Variants in HTRA1 observed in about 807,000 individuals in gnomAD.
The protein encoded by HTRA1 is HtrA serine peptidase 1, also known as serine protease HTRA1.
HTRA1 carries 26 observed loss-of-function variants against 49.7 expected under a neutral mutation model. The observed-to-expected ratio is 0.52, with a 90% CI of 0.38 to 0.73. The LOEUF is 0.73. Ranked by LOEUF, HTRA1 falls within the 30% of genes least tolerant of loss-of-function variation. HTRA1 has a pLI of 0.00. For missense variants in HTRA1, 561 were observed against 667.2 expected, an observed-to-expected ratio of 0.84 and a Z score of 1.75; for synonymous variants, 291 against 286.9, an observed-to-expected ratio of 1.01 and a Z score of -0.14.
In HTRA1 at chr10:122,464,726, A is replaced by C. The variant is rs1343546373; in HGVS notation, c.472+2602A>C. Among the ~76,000 whole-genome samples the C allele has an allele frequency of 6.6e-6, 1 of 152,200 alleles. No homozygotes were observed. Among genetic ancestry groups the C allele is most frequent in the East Asian group, 1.9e-4 (1 of 5,196 alleles). On this transcript the variant is annotated intron_variant, in intron 1 of 8. Coordinates refer to ENST00000368984, the MANE Select transcript of HTRA1 (RefSeq NM_002775.5). The surrounding 1 kb of genome is among the most constrained non-coding windows in gnomAD (Gnocchi z 4.8). ...GAGCCAGCAGACTTCATTCAGTCCA[A>C]GCCAGGCTCCAGGACTCAACAGCTG...
intron 1 of HTRA1, among the ~76,000 whole-genome samples, chr10:122,476,603 C>T (rs1453622084): frequency 2.0e-5 from 3 of 152,198 alleles, no homozygotes; most frequent in African/African-American, 7.2e-5. Flanking sequence ...AGCGACTGGC[C>T]GTTTGCAGGC....
At chr10:122,507,939 C>T (rs927514683) in intron 5 of HTRA1, among the ~76,000 whole-genome samples, 3 of 132,614 alleles carry the variant, frequency 2.3e-5, no homozygotes, top group Non-Finnish European at 5.0e-5. Flanking sequence ...AGAACACAGA[C>T]CAGCAGAGCT....
At chr10:122,504,215 G>A (rs2097502102) in intron 3 of HTRA1, among the ~76,000 whole-genome samples, 1 of 152,230 alleles carries the variant, frequency 6.6e-6, no homozygotes, top group Admixed American at 6.5e-5. Flanking sequence ...TTCTCCAAAA[G>A]TGTTTGTCTC....
At position 122,502,926 on chromosome 10, in the gene HTRA1, G is replaced by A. The variant is rs946052021; in HGVS notation, c.778-3765G>A. ...GGATCTGGCATGAGGAGTGGGACTC[G>A]CGTGCCCTCTTTCTTCTCCTCTTCC... is the stretch of plus-strand genomic sequence containing the variant. On this transcript the variant is annotated intron_variant, in intron 3 of 8. Coordinates refer to ENST00000368984, the MANE Select transcript of HTRA1 (RefSeq NM_002775.5). Among the ~76,000 whole-genome samples the A allele has an allele frequency of 5.9e-5, 9 of 152,184 alleles. No individual in the cohort carries two copies. In the East Asian group the frequency reaches 9.6e-4, roughly 16 times the overall value.
intron 7 of HTRA1, among the ~76,000 whole-genome samples, chr10:122,510,471 C>T (rs1038894304): frequency 6.6e-5 from 10 of 152,220 alleles, no homozygotes; most frequent in Admixed American, 2.6e-4. Context: ...CTCTGGCTCA[C>T]GTCTTCCTTA....
intron 3 of HTRA1, among the ~76,000 whole-genome samples, chr10:122,505,421 T>C (rs2097502628): frequency 6.6e-6 from 1 of 152,198 alleles, no homozygotes; most frequent in Non-Finnish European, 1.5e-5. Context: ...ATATTTGTGG[T>C]GTGGCGTGGC....
chr10:122,501,733 T>C (rs1205781036), intron 3 of HTRA1, among the ~76,000 whole-genome samples: 1 of 152,064 alleles, frequency 6.6e-6, no homozygotes, highest in Non-Finnish European at 1.5e-5. Context: ...TTTTGGGACT[T>C]TGCTTTTCTG....
In HTRA1 at chr10:122,495,857, G is replaced by A. The variant is rs540113382; in HGVS notation, c.777+6231G>A. ...GTGTGACAGAGTATCAGAGTCCAGG[G>A]TTGGCCAACTACAGCCAGTAGTCCA... On this transcript the variant is annotated intron_variant, in intron 3 of 8. Transcript: ENST00000368984. 6.6e-5 allele frequency among the ~76,000 whole-genome samples: 10 copies of A among 152,244 alleles called. No homozygotes were observed. The South Asian group carries it at 2.1e-3, about 32-fold the overall frequency.
At chr10:122,473,298 G>C (rs1351643585) in intron 1 of HTRA1, among the ~76,000 whole-genome samples, 2 of 152,184 alleles carry the variant, frequency 1.3e-5, no homozygotes, top group African/African-American at 4.8e-5. Context: ...GAGGTGACCT[G>C]AAGGCTGGAG....
intron 7 of HTRA1, 150 bp downstream of exon 7, chr10:122,510,303 A>G: frequency 1.4e-6 from 1 of 738,616 alleles, no homozygotes; most frequent in Admixed American, 2.0e-5. Flanking sequence ...GAAAGAGGAC[A>G]GGTCATTAGC....
chr10:122,503,848 T>A (rs1298609138), intron 3 of HTRA1, among the ~76,000 whole-genome samples: 3 of 152,130 alleles, frequency 2.0e-5, no homozygotes, highest in Admixed American at 2.0e-4. Context: ...AGCTAGGAAA[T>A]GTCTGAGTGG....
In HTRA1 at chr10:122,468,618, C is replaced by T. The variant is rs567749725; in HGVS notation, c.472+6494C>T. On this transcript the variant is annotated intron_variant, in intron 1 of 8. Transcript: ENST00000368984. ...GCCATCTAATATGTTGGAAAAGGTT[C>T]TCTGGGCAGAGGTATCCAAAGTCAC... Among the ~76,000 whole-genome samples the T allele has an allele frequency of 6.6e-5, 10 of 152,276 alleles. No individual in the cohort carries two copies. In the South Asian group the frequency reaches 2.1e-3, roughly 32 times the overall value.
chr10:122,496,258 T>TTTTTTTTTTTTTTTTTTTTTTTG (rs1565427230), intron 3 of HTRA1, among the ~76,000 whole-genome samples: 4 of 132,508 alleles, frequency 3.0e-5, no homozygotes, highest in African/African-American at 1.1e-4. Context: ...TTTTTTTTTT[T>TTTTTTTTTTTTTTTTTTTTTTTG]TGCAGAGATG....
In HTRA1 at chr10:122,490,757, C is replaced by T. The variant is rs2097495411; in HGVS notation, c.777+1131C>T. Among the ~76,000 whole-genome samples, 1 of 152,216 alleles carries T rather than the reference C, an allele frequency of 6.6e-6. No homozygotes were observed. The highest frequency in any genetic ancestry group is 1.5e-5 in the Non-Finnish European group (1 of 68,048). ...GTGCTGTTCAGTGGCACGCTGGTTA[C>T]ACCTCCTTCTGGAAACAACTCTGCG... On this transcript the variant is annotated intron_variant, in intron 3 of 8. Coordinates refer to ENST00000368984, the MANE Select transcript of HTRA1 (RefSeq NM_002775.5). The surrounding 1 kb of genome is among the most constrained non-coding windows in gnomAD (Gnocchi z 4.2).
intron 3 of HTRA1, among the ~76,000 whole-genome samples, chr10:122,497,900 A>G (rs1317812755): frequency 6.6e-6 from 1 of 152,184 alleles, no homozygotes; most frequent in East Asian, 1.9e-4. Context: ...TATGGAGGAG[A>G]CGCAAGTTAG....
At position 122,476,958 on chromosome 10, in the gene HTRA1, T is replaced by C. The variant is rs141007531; in HGVS notation, c.473-11944T>C. Reference sequence around the variant, plus strand: ...ATTTATTCAGCAAGTAGCCTCTTTATAGTTACTTTTTTTTTTTTTTTTTTT... The same window carrying C: ...ATTTATTCAGCAAGTAGCCTCTTTACAGTTACTTTTTTTTTTTTTTTTTTT... On this transcript the variant is annotated intron_variant, in intron 1 of 8. Transcript: ENST00000368984. 4.1e-4 allele frequency among the ~76,000 whole-genome samples: 61 copies of C among 148,090 alleles called. 1 individual carries two copies. In the East Asian group the frequency reaches 0.012, roughly 28 times the overall value.
At position 122,506,905 on chromosome 10, in the gene HTRA1, C is replaced by A. The variant is rs373219331; in HGVS notation, c.972+20C>A. On this transcript the variant is annotated intron_variant, in intron 4 of 8. Transcript: ENST00000368984. The surrounding 1 kb of genome is among the most constrained non-coding windows in gnomAD (Gnocchi z 5.2). ...ATCAACGTGAGCCTCTGTCCCTCTGCGGGTGGGGATTGGGGCAGAGTTTTG... is the reference window on the plus strand; with the variant it reads ...ATCAACGTGAGCCTCTGTCCCTCTGAGGGTGGGGATTGGGGCAGAGTTTTG... The A allele has an allele frequency of 1.9e-6, 3 of 1,609,486 alleles. No homozygotes were observed. In the South Asian group the frequency reaches 3.3e-5, roughly 18 times the overall value.
At chr10:122,479,130 C>T (rs937486196) in intron 1 of HTRA1, among the ~76,000 whole-genome samples, 1 of 152,224 alleles carries the variant, frequency 6.6e-6, no homozygotes, top group Non-Finnish European at 1.5e-5. Flanking sequence ...CAAATTAGCT[C>T]TACGTATCAA....
rs562307362 is a variant in HTRA1, at chr10:122,496,178, G to C, written c.777+6552G>C. Among the ~76,000 whole-genome samples, 6 of 142,318 alleles carry C rather than the reference G, an allele frequency of 4.2e-5. No homozygotes were observed. In the South Asian group the frequency reaches 1.1e-3, roughly 26 times the overall value. The allele number at this position is 142,318 out of a possible 152,430, so 93.4% of individuals were successfully genotyped here. ...AGCACTAGGTGGCCGCGGCGAGCAG[G>C]AAGAGAAGCTGATTTTGTTTGCCCT... On this transcript the variant is annotated intron_variant, in intron 3 of 8. Coordinates refer to ENST00000368984, the MANE Select transcript of HTRA1 (RefSeq NM_002775.5).
Sources: gnomAD v4.1 joint callset for allele counts (sites outside exome capture counted in the v4.1 genomes callset) on GRCh38, gnomAD v4.1.1 for gene constraint, Gnocchi (gnomAD v3.1) non-coding constraint, MANE v1.5 for transcripts, NCBI Gene and HGNC (gene_info 2026-07-23, HGNC 2026-07-21) for gene names.